DGKI: variants seen among roughly 807,000 people sequenced by gnomAD.
DGKI encodes the protein diacylglycerol kinase iota.
A neutral mutation model predicts 147.5 loss-of-function variants in DGKI; 55 were observed. The ratio of observed to expected loss-of-function variants is 0.37; its 90% confidence interval spans 0.30 to 0.47. The LOEUF is 0.47. DGKI is among the 20% of genes least tolerant of loss of function. The probability of loss-of-function intolerance (pLI) is 1.00; values close to 1 mark genes in which losing one functional copy is unlikely to be tolerated. For missense variants in DGKI, 1,007 were observed against 1,323.8 expected (o/e 0.76, Z 3.71); for synonymous variants, 469 against 477.1 (o/e 0.98, Z 0.22).
intron 21 of DGKI, among the ~76,000 whole-genome samples, chr7:137,505,282 C>T (rs1816328513): frequency 6.6e-6 from 1 of 152,128 alleles, no homozygotes; most frequent in Non-Finnish European, 1.5e-5. Context: ...ATGCCTTCTC[C>T]TTATGATACT....
intron 21 of DGKI, among the ~76,000 whole-genome samples, chr7:137,511,331 G>A (rs547263024): frequency 5.3e-5 from 8 of 152,336 alleles, no homozygotes; most frequent in Non-Finnish European, 1.0e-4. Context: ...TTATATTCAG[G>A]TTTCCACTTT....
chr7:137,708,445 T>C (rs1794111756), intron 1 of DGKI, among the ~76,000 whole-genome samples: 2 of 152,352 alleles, frequency 1.3e-5, no homozygotes, highest in South Asian at 4.1e-4. Context: ...TGTCTGGCCT[T>C]AACCACTGGC....
chr7:137,587,998 T>C (rs770612729), intron 12 of DGKI, among the ~76,000 whole-genome samples: 1 of 152,198 alleles, frequency 6.6e-6, no homozygotes, highest in Non-Finnish European at 1.5e-5. Flanking sequence ...AAAAGGAGTT[T>C]GAATGTCCTT....
At chr7:137,793,586 C>T (rs1302987257) in intron 1 of DGKI, among the ~76,000 whole-genome samples, 2 of 152,210 alleles carry the variant, frequency 1.3e-5, no homozygotes, top group Admixed American at 6.5e-5. Context: ...GGATTACAGG[C>T]TTGAGCCACT....
chr7:137,605,287 G>A (rs1305187445), intron 10 of DGKI, among the ~76,000 whole-genome samples: 1 of 147,114 alleles, frequency 6.8e-6, no homozygotes, highest in Non-Finnish European at 1.5e-5. Context: ...CAGCCTGGGT[G>A]ACAGAGCAAG....
At chr7:137,693,204 G>C (rs1823669702) in intron 1 of DGKI, among the ~76,000 whole-genome samples, 1 of 152,132 alleles carries the variant, frequency 6.6e-6, no homozygotes, top group Non-Finnish European at 1.5e-5. Context: ...TTGGGAGTGG[G>C]ATGAGGGGGC....
chr7:137,705,789 A>G (rs1184425785), intron 1 of DGKI, among the ~76,000 whole-genome samples: 1 of 152,190 alleles, frequency 6.6e-6, no homozygotes, highest in Non-Finnish European at 1.5e-5. Context: ...TTATTAAACA[A>G]TGGAGGTCAG....
intron 1 of DGKI, among the ~76,000 whole-genome samples, chr7:137,797,747 T>C (rs1403458037): frequency 1.3e-5 from 2 of 151,564 alleles, no homozygotes; most frequent in Admixed American, 6.6e-5. Flanking sequence ...AATGAAAGAA[T>C]GGAGAAAAAA....
chr7:137,437,236 A>C (rs1585114866), intron 28 of DGKI, among the ~76,000 whole-genome samples: 1 of 152,350 alleles, frequency 6.6e-6, no homozygotes, highest in South Asian at 2.1e-4. Flanking sequence ...GAGATTGCCT[A>C]TATAGAATTC....
In DGKI at chr7:137,386,064, T is replaced by C. The variant is rs2128890336; in HGVS notation, c.*5156A>G. 6.6e-6 allele frequency: 1 copy of C among 152,286 alleles called. No homozygotes were observed. Among genetic ancestry groups the C allele is most frequent in the African/African-American group, 2.4e-5 (1 of 41,572 alleles). 9.4% of individuals were successfully genotyped at this position (152,286 alleles called of 1,614,324 possible). A position where few individuals can be genotyped will look rare whatever the true frequency, so the allele number is the denominator to read the frequency against. Reference sequence around the variant, plus strand: ...ATGATTACATGCATAACTGAATACATATGTAAATAGACTCTGGAGTCTATG... The same window carrying C: ...ATGATTACATGCATAACTGAATACACATGTAAATAGACTCTGGAGTCTATG... On this transcript the variant is annotated 3_prime_UTR_variant, in exon 33 of 33. Transcript: ENST00000614521.
chr7:137,646,664 T>C (rs542367085), intron 5 of DGKI, among the ~76,000 whole-genome samples: 3 of 152,338 alleles, frequency 2.0e-5, no homozygotes, highest in African/African-American at 7.2e-5. Flanking sequence ...AAACACACTT[T>C]ATCTAATTCT....
At chr7:137,626,651 A>C (rs540188395) in intron 6 of DGKI, among the ~76,000 whole-genome samples, 1 of 152,292 alleles carries the variant, frequency 6.6e-6, no homozygotes, top group South Asian at 2.1e-4. Context: ...GAGCAAAAAA[A>C]GGCTACAGCG....
intron 30 of DGKI, among the ~76,000 whole-genome samples, chr7:137,405,399 G>A (rs372124358): frequency 1.3e-5 from 2 of 152,012 alleles, no homozygotes; most frequent in Non-Finnish European, 2.9e-5. Flanking sequence ...CACCATGCCC[G>A]GCCATCTTGT....
chr7:137,767,950 A>G (rs987875465), intron 1 of DGKI, among the ~76,000 whole-genome samples: 3 of 152,216 alleles, frequency 2.0e-5, no homozygotes, highest in African/African-American at 7.2e-5. Context: ...GAGAGGCAGA[A>G]GGATCACCTG....
At chr7:137,825,672 TCA>T (rs1171484662) in intron 1 of DGKI, among the ~76,000 whole-genome samples, 17 of 148,800 alleles carry the variant, frequency 1.1e-4, no homozygotes, top group South Asian at 8.6e-4. Flanking sequence ...ATACACACAC[TCA>T]CACACACACA....
At chr7:137,477,121 A>T (rs1166561339) in intron 23 of DGKI, among the ~76,000 whole-genome samples, 2 of 152,196 alleles carry the variant, frequency 1.3e-5, no homozygotes, top group African/African-American at 4.8e-5. Context: ...GGTAGCTCAG[A>T]GTTCCTGCCC....
intron 28 of DGKI, among the ~76,000 whole-genome samples, chr7:137,438,150 CTG>C (rs1404440833): frequency 1.3e-5 from 2 of 152,004 alleles, no homozygotes; most frequent in Admixed American, 6.6e-5. Flanking sequence ...AAGCCACAAA[CTG>C]GAGAAAATTT....
chr7:137,397,030 C>A (rs529012963), intron 31 of DGKI, among the ~76,000 whole-genome samples: 1 of 152,272 alleles, frequency 6.6e-6, no homozygotes, highest in Non-Finnish European at 1.5e-5. Flanking sequence ...TTCAGAAACT[C>A]CAGTTGAGAA....
intron 1 of DGKI, among the ~76,000 whole-genome samples, chr7:137,784,093 A>G (rs1294146703): frequency 4.6e-5 from 7 of 152,210 alleles, no homozygotes; most frequent in Non-Finnish European, 7.4e-5. Context: ...AACAAATAGC[A>G]TGATGAATAG....
Sources: allele counts gnomAD v4.1 joint callset (sites outside exome capture counted in the v4.1 genomes callset), GRCh38; gene constraint gnomAD v4.1.1; transcripts MANE v1.5; gene names NCBI Gene and HGNC (gene_info 2026-07-23, HGNC 2026-07-21).